The following SHROOM2 variants were observed in gnomAD, a reference collection of about 807,000 sequenced individuals.
SHROOM2 encodes protein Shroom2.
SHROOM2 carries 33 observed loss-of-function variants against 75.9 expected under a neutral mutation model. The ratio of observed to expected loss-of-function variants is 0.43; its 90% CI spans 0.33 to 0.58. SHROOM2 has a LOEUF of 0.58. Among genes scored for constraint, SHROOM2 ranks in the 20% least tolerant of loss-of-function variants. SHROOM2 has a pLI of 0.04. For synonymous variants in SHROOM2, 655 were observed against 663.6 expected (o/e 0.99, Z 0.20); for missense variants, 1,434 against 1,461.2 (o/e 0.98, Z 0.30).
At chrX:9,945,052 G>A (rs1172330070) in intron 9 of SHROOM2, 139 bp downstream of exon 9, 8 of 557,520 alleles carry the variant, frequency 1.4e-5, no homozygotes, top group South Asian at 6.1e-5. Context: ...AGACCTTGTC[G>A]AGACAGTGCA....
chrX:9,897,970 C>A (rs759130028), intron 4 of SHROOM2, among the ~76,000 whole-genome samples: 1 of 112,469 alleles, frequency 8.9e-6, no homozygotes, highest in South Asian at 3.6e-4. Flanking sequence ...TATTTTATTT[C>A]TTTTGGCCAA....
intron 8 of SHROOM2, among the ~76,000 whole-genome samples, chrX:9,943,741 CTGTT>C (rs2084792038): frequency 8.9e-6 from 1 of 112,185 alleles, no homozygotes; most frequent in Non-Finnish European, 1.9e-5. Flanking sequence ...AAACAGTCAT[CTGTT>C]TGCATTTTGG....
chrX:9,846,559 T>C (rs1321559201), intron 1 of SHROOM2, among the ~76,000 whole-genome samples: 1 of 112,297 alleles, frequency 8.9e-6, no homozygotes, highest in Non-Finnish European at 1.9e-5. Context: ...CCTCTCAAAC[T>C]GCTGGGATTA....
chrX:9,937,059 AGGGCAGG>A, intron 6 of SHROOM2, 68 bp from the exon 7 acceptor site: 4 of 1,011,635 alleles, frequency 4.0e-6, no homozygotes, highest in Non-Finnish European at 5.3e-6. Context: ...TCCAGAGGGG[AGGGCAGG>A]GGACACGTCA....
chrX:9,881,485 C>T (rs189702479), intron 2 of SHROOM2, among the ~76,000 whole-genome samples: 72 of 111,693 alleles, frequency 6.4e-4, no homozygotes, highest in Middle Eastern at 4.7e-3. Context: ...ATCAGCCATT[C>T]GGCATATGTC....
chrX:9,826,957 C>CA (rs1241802164), intron 1 of SHROOM2, among the ~76,000 whole-genome samples: 1 of 111,621 alleles, frequency 9.0e-6, no homozygotes, highest in East Asian at 2.8e-4. Flanking sequence ...AGGGTGAAAA[C>CA]AGACCCTTGG....
At chrX:9,851,348 A>G (rs2084038308) in intron 1 of SHROOM2, among the ~76,000 whole-genome samples, 1 of 110,704 alleles carries the variant, frequency 9.0e-6, no homozygotes, top group South Asian at 3.8e-4. Flanking sequence ...TCAGGTGGCA[A>G]TACAGAGAGA....
chrX:9,789,970 G>A (rs1364579384), intron 1 of SHROOM2, among the ~76,000 whole-genome samples: 1 of 38,180 alleles, frequency 2.6e-5, no homozygotes, highest in Admixed American at 2.5e-4. Flanking sequence ...GACGCTTGGA[G>A]GTCCCCCCCA....
At chrX:9,851,157 C>T (rs1425473005) in intron 1 of SHROOM2, among the ~76,000 whole-genome samples, 1 of 111,700 alleles carries the variant, frequency 9.0e-6, no homozygotes, top group Non-Finnish European at 1.9e-5. Flanking sequence ...TGCAGGCACA[C>T]TCCACCAAGC....
intron 1 of SHROOM2, among the ~76,000 whole-genome samples, chrX:9,836,356 A>G (rs959572569): frequency 9.0e-6 from 1 of 111,488 alleles, no homozygotes; most frequent in Non-Finnish European, 1.9e-5. Flanking sequence ...ACAGCGCTCA[A>G]CAGATAGGAA....
At chrX:9,896,807 T>C in intron 4 of SHROOM2, 109 bp downstream of exon 4, 2 of 880,732 alleles carry the variant, frequency 2.3e-6, no homozygotes, top group African/African-American at 4.0e-5. Flanking sequence ...TGTGCGAGCA[T>C]TTACCTTTTC....
At chrX:9,840,425 A>G (rs960258745) in intron 1 of SHROOM2, among the ~76,000 whole-genome samples, 5 of 110,855 alleles carry the variant, frequency 4.5e-5, no homozygotes, top group African/African-American at 1.6e-4. Context: ...GCGCCACCAC[A>G]CTGGCTAATT....
intron 1 of SHROOM2, among the ~76,000 whole-genome samples, chrX:9,792,340 G>T (rs1260105687): frequency 9.1e-6 from 1 of 109,873 alleles, no homozygotes; most frequent in Non-Finnish European, 1.9e-5. Flanking sequence ...TCATTAAAAA[G>T]AAAAAATTGG....
intron 8 of SHROOM2, among the ~76,000 whole-genome samples, chrX:9,943,227 AAAAAT>A (rs1199115610): frequency 3.6e-5 from 4 of 109,855 alleles, no homozygotes; most frequent in East Asian, 2.8e-4. Context: ...CCCTGTCTCA[AAAAAT>A]AAAATAAAAT....
At chrX:9,831,962 G>A (rs1383603765) in intron 1 of SHROOM2, among the ~76,000 whole-genome samples, 2 of 111,333 alleles carry the variant, frequency 1.8e-5, no homozygotes, top group African/African-American at 6.5e-5. Flanking sequence ...TGTGGGTGGG[G>A]GAACACACAC....
chrX:9,802,485 G>A lies in SHROOM2; in HGVS notation c.165+15775G>A, dbSNP rs1403922392. Among the ~76,000 whole-genome samples the A allele has an allele frequency of 8.1e-5, 9 of 111,537 alleles. No individual in the cohort carries two copies. In the East Asian group the frequency reaches 2.2e-3, roughly 28 times the overall value. ...GGTTCTGAGACATTCACAGTTTTGT[G>A]GAAGGCTTTGCTCAGAATACATCAC... On this transcript the variant is annotated intron_variant, in intron 1 of 9. Transcript: ENST00000380913.
intron 1 of SHROOM2, chrX:9,819,490 A>G (rs762958939): frequency 2.5e-4 from 67 of 270,523 alleles, no homozygotes; most frequent in African/African-American, 1.5e-3. Context: ...TGGTGGCTTT[A>G]TCAATAAGAT....
chrX:9,919,323 G>GTTTT (rs1192619266), intron 5 of SHROOM2, among the ~76,000 whole-genome samples: 3 of 47,343 alleles, frequency 6.3e-5, no homozygotes, highest in African/African-American at 4.1e-4. Flanking sequence ...GGAGGAGGTT[G>GTTTT]CTTTTTTTTT....
chrX:9,805,656 G>A (rs2083747290), intron 1 of SHROOM2, among the ~76,000 whole-genome samples: 1 of 112,151 alleles, frequency 8.9e-6, no homozygotes, highest in African/African-American at 3.2e-5. Flanking sequence ...ATGTAGGGCT[G>A]ATACTGGAGT....
Sources: gnomAD v4.1 joint callset for allele counts (sites outside exome capture counted in the v4.1 genomes callset) on GRCh38, gnomAD v4.1.1 for gene constraint, MANE v1.5 for transcripts, NCBI Gene and HGNC (gene_info 2026-07-23, HGNC 2026-07-21) for gene names.